PTPRD: variants seen among roughly 807,000 people sequenced by gnomAD.
PTPRD encodes protein tyrosine phosphatase receptor type D, also known as receptor-type tyrosine-protein phosphatase delta.
A neutral mutation model predicts 214.5 loss-of-function variants in PTPRD; 34 were observed. The observed-to-expected ratio is 0.16, with a 90% CI of 0.12 to 0.21. The LOEUF (loss-of-function observed/expected upper bound fraction) is 0.21. Ranked by LOEUF, PTPRD falls within the 10% of genes least tolerant of loss-of-function variation. PTPRD has a pLI of 1.00. For missense variants in PTPRD, 2,545 were observed against 2,398.7 expected, an observed-to-expected ratio of 1.06 and a Z score of -1.27; for synonymous variants, 1,128 against 845.7, an observed-to-expected ratio of 1.33 and a Z score of -5.79.
chr9:10,125,717 C>G (rs932638409), intron 3 of PTPRD, among the ~76,000 whole-genome samples: 6 of 151,408 alleles, frequency 4.0e-5, no homozygotes, highest in African/African-American at 1.5e-4. Context: ...CTCCTTTCCT[C>G]GGGATCCGCT....
intron 3 of PTPRD, among the ~76,000 whole-genome samples, chr9:10,234,602 T>C (rs1264246432): frequency 6.7e-6 from 1 of 148,476 alleles, no homozygotes; most frequent in African/African-American, 2.4e-5. Context: ...GAAATTCGAG[T>C]AAAGAAATGA....
intron 30 of PTPRD, among the ~76,000 whole-genome samples, chr9:8,481,177 C>G (rs1421436203): frequency 1.5e-5 from 2 of 137,750 alleles, no homozygotes; most frequent in Non-Finnish European, 3.1e-5. Context: ...TAAGAGTAGA[C>G]AAATGTGAAG....
At chr9:8,684,897 C>G (rs1371938694) in intron 12 of PTPRD, among the ~76,000 whole-genome samples, 1 of 152,052 alleles carries the variant, frequency 6.6e-6, no homozygotes, top group African/African-American at 2.4e-5. Context: ...TGTGCTCAAA[C>G]AATATTCACA....
chr9:8,659,967 C>G (rs1362927404), intron 12 of PTPRD, among the ~76,000 whole-genome samples: 1 of 152,130 alleles, frequency 6.6e-6, no homozygotes, highest in African/African-American at 2.4e-5. Context: ...AATGCAATAT[C>G]ATACCTATTA....
At chr9:9,140,762 T>C (rs977775221) in intron 10 of PTPRD, among the ~76,000 whole-genome samples, 1 of 152,140 alleles carries the variant, frequency 6.6e-6, no homozygotes, top group Non-Finnish European at 1.5e-5. Flanking sequence ...GTGTTTTTAG[T>C]AGAGACGGGG....
At chr9:9,285,405 AT>A (rs948804543) in intron 9 of PTPRD, among the ~76,000 whole-genome samples, 8 of 151,584 alleles carry the variant, frequency 5.3e-5, no homozygotes, top group African/African-American at 7.3e-5. Flanking sequence ...CTATTCTAAA[AT>A]TTTTTTTCTC....
chr9:9,500,040 A>G (rs148633479), intron 8 of PTPRD, among the ~76,000 whole-genome samples: 24 of 152,258 alleles, frequency 1.6e-4, no homozygotes, highest in Non-Finnish European at 2.5e-4. Context: ...ATTGTTTAGG[A>G]GTAATTTGCA....
At chr9:9,616,258 C>A (rs998169293) in intron 7 of PTPRD, among the ~76,000 whole-genome samples, 4 of 151,954 alleles carry the variant, frequency 2.6e-5, no homozygotes, top group African/African-American at 7.3e-5. Flanking sequence ...TACAGTGACA[C>A]CCCCCAAAAT....
intron 34 of PTPRD, among the ~76,000 whole-genome samples, chr9:8,440,605 G>A (rs957393761): frequency 4.6e-5 from 7 of 152,162 alleles, no homozygotes; most frequent in Non-Finnish European, 8.8e-5. Context: ...GGGCCGCTGC[G>A]CCCGACCCAT....
chr9:9,704,431 G>A (rs925217859), intron 7 of PTPRD, among the ~76,000 whole-genome samples: 1 of 152,120 alleles, frequency 6.6e-6, no homozygotes, highest in Non-Finnish European at 1.5e-5. Context: ...AAAAGAGAAC[G>A]TTGGGTGAGA....
At chr9:10,494,602 A>T (rs1305962915) in intron 2 of PTPRD, among the ~76,000 whole-genome samples, 1 of 149,316 alleles carries the variant, frequency 6.7e-6, no homozygotes, top group Non-Finnish European at 1.5e-5. Flanking sequence ...GGAAGATTTT[A>T]GGTCTTTTCT....
At chr9:9,429,823 C>G (rs1462184012) in intron 8 of PTPRD, among the ~76,000 whole-genome samples, 4 of 151,870 alleles carry the variant, frequency 2.6e-5, no homozygotes, top group African/African-American at 9.7e-5. Flanking sequence ...TCAATAGATG[C>G]AGAAAAGGCC....
At chr9:9,560,015 C>A (rs913039391) in intron 8 of PTPRD, among the ~76,000 whole-genome samples, 8 of 152,172 alleles carry the variant, frequency 5.3e-5, no homozygotes, top group African/African-American at 1.9e-4. Flanking sequence ...TTGTCCGGTG[C>A]CCCCTCAAGT....
At chr9:10,163,428 T>G (rs1358998915) in intron 3 of PTPRD, among the ~76,000 whole-genome samples, 4 of 151,486 alleles carry the variant, frequency 2.6e-5, no homozygotes, top group African/African-American at 4.8e-5. Context: ...GAACTTATTC[T>G]TATGTGACTA....
chr9:8,521,157 C>A (rs1305970721), intron 20 of PTPRD, 120 bp downstream of exon 20: 3 of 1,196,520 alleles, frequency 2.5e-6, no homozygotes, highest in Non-Finnish European at 3.5e-6. Context: ...TTAGGTTATA[C>A]ACACATTTAA....
intron 9 of PTPRD, among the ~76,000 whole-genome samples, chr9:9,319,985 A>C (rs956648320): frequency 1.3e-5 from 2 of 152,196 alleles, no homozygotes; most frequent in African/African-American, 2.4e-5. Flanking sequence ...CATTGATTCC[A>C]AAAAGGAAAC....
intron 3 of PTPRD, among the ~76,000 whole-genome samples, chr9:10,316,166 T>C (rs1296781588): frequency 1.5e-5 from 2 of 135,092 alleles, no homozygotes; most frequent in African/African-American, 6.0e-5. Context: ...TGTATATCTA[T>C]GTATATATAC....
rs202070952 is a variant in PTPRD, at chr9:8,929,835, A to G, written c.-104+88862T>C. ...TATATATATGTGTATATATATGTGT[A>G]TATATATGTGTGTATATATATGTGT... On this transcript the variant is annotated intron_variant, in intron 11 of 45. Transcript: ENST00000381196. Among the ~76,000 whole-genome samples the G allele has an allele frequency of 5.5e-4, 44 of 80,306 alleles. 4 individuals carry two copies. The highest frequency in any genetic ancestry group is 6.2e-3 in the Middle Eastern group (1 of 162). The allele number at this position is 80,306 out of a possible 152,430, so 52.7% of individuals were successfully genotyped here.
At chr9:9,058,995 A>G (rs2099702227) in intron 10 of PTPRD, among the ~76,000 whole-genome samples, 1 of 152,098 alleles carries the variant, frequency 6.6e-6, no homozygotes, top group Non-Finnish European at 1.5e-5. Flanking sequence ...TAAGCTGGAG[A>G]ACTTTAATCT....
Sources: allele counts gnomAD v4.1 joint callset (sites outside exome capture counted in the v4.1 genomes callset), GRCh38; gene constraint gnomAD v4.1.1; transcripts MANE v1.5; gene names NCBI Gene and HGNC (gene_info 2026-07-23, HGNC 2026-07-21).